Variants in MBNL1 observed in about 807,000 individuals in gnomAD.
MBNL1 encodes the protein muscleblind-like protein 1.
A neutral mutation model predicts 42.2 loss-of-function variants in MBNL1; 8 were observed. That is an observed-to-expected ratio of 0.19 (90% CI 0.11 to 0.34). The LOEUF is 0.34. Among genes scored for constraint, MBNL1 ranks in the 10% least tolerant of loss-of-function variants. The pLI is 1.00. For synonymous variants in MBNL1, 169 were observed against 173.9 expected (o/e 0.97, Z 0.22); for missense variants, 309 against 495.3 (o/e 0.62, Z 3.57).
chr3:152,265,742 A>C (rs1363000194), upstream of MBNL1: 12 of 152,188 alleles, frequency 7.9e-5, no homozygotes, highest in Non-Finnish European at 1.6e-4. Context: ...CTGAAAATGT[A>C]GTTTATTTCA....
intron 3 of MBNL1, among the ~76,000 whole-genome samples, chr3:152,418,714 C>CTTTTT (rs35606256): frequency 3.4e-5 from 4 of 118,696 alleles, no homozygotes; most frequent in Non-Finnish European, 5.1e-5. Flanking sequence ...TCTTAACAAT[C>CTTTTT]TTTTTTTTTT....
At chr3:152,426,639 T>C (rs1348015104) in intron 3 of MBNL1, among the ~76,000 whole-genome samples, 1 of 152,052 alleles carries the variant, frequency 6.6e-6, no homozygotes, top group Non-Finnish European at 1.5e-5. Flanking sequence ...TTGCATGATA[T>C]CTGGAGTTTC....
upstream of MBNL1, chr3:152,265,914 T>C (rs1256492903): frequency 6.6e-6 from 1 of 152,224 alleles, no homozygotes; most frequent in East Asian, 1.9e-4. Context: ...GTATTCTAAA[T>C]GAGGAACTAT....
chr3:152,263,885 G>A (rs1285111572), upstream of MBNL1: 2 of 151,708 alleles, frequency 1.3e-5, no homozygotes, highest in Non-Finnish European at 2.9e-5. Context: ...GCTCCTTGAG[G>A]TTAGGTAGTT....
chr3:152,274,291 T>A (rs2043610332), intron 1 of MBNL1, among the ~76,000 whole-genome samples: 1 of 152,178 alleles, frequency 6.6e-6, no homozygotes, highest in Non-Finnish European at 1.5e-5. Context: ...TCATATAAAG[T>A]TGATTTATAA....
At chr3:152,418,830 C>T (rs777084335) in intron 3 of MBNL1, among the ~76,000 whole-genome samples, 2 of 150,950 alleles carry the variant, frequency 1.3e-5, no homozygotes, top group Non-Finnish European at 2.9e-5. Flanking sequence ...CGTTCTCTTG[C>T]CTCAGCCTCC....
chr3:152,335,306 A>T, intron 2 of MBNL1: 1 of 1,252,324 alleles, frequency 8.0e-7, no homozygotes, highest in Admixed American at 2.3e-5. Flanking sequence ...AAGGCCTGAG[A>T]TGACATCCAT....
chr3:152,313,777 CTTAT>C (rs1426088399), intron 2 of MBNL1, among the ~76,000 whole-genome samples: 1 of 152,190 alleles, frequency 6.6e-6, no homozygotes, highest in Non-Finnish European at 1.5e-5. Flanking sequence ...CACATACTAG[CTTAT>C]TTATTTACCT....
chr3:152,335,918 C>A (rs1426141762), intron 2 of MBNL1, among the ~76,000 whole-genome samples: 1 of 152,118 alleles, frequency 6.6e-6, no homozygotes, highest in South Asian at 2.1e-4. Flanking sequence ...TTAACAGATT[C>A]ATTTGACCAA....
At chr3:152,378,711 T>C (rs1361501329) in intron 2 of MBNL1, among the ~76,000 whole-genome samples, 2 of 152,180 alleles carry the variant, frequency 1.3e-5, no homozygotes, top group Non-Finnish European at 2.9e-5. Context: ...TTTATCCTTA[T>C]GTTATTTATT....
intron 2 of MBNL1, among the ~76,000 whole-genome samples, chr3:152,389,024 A>G (rs932071587): frequency 2.0e-5 from 3 of 152,192 alleles, no homozygotes; most frequent in African/African-American, 7.2e-5. Context: ...TAAACAGTTG[A>G]CATGAAATAT....
intron 2 of MBNL1, among the ~76,000 whole-genome samples, chr3:152,363,609 C>G (rs535179828): frequency 6.6e-6 from 1 of 152,146 alleles, no homozygotes; most frequent in African/African-American, 2.4e-5. Flanking sequence ...TTACCAAATG[C>G]TGAGCGTATG....
At chr3:152,459,508 C>T (rs1740617201) in intron 9 of MBNL1, among the ~76,000 whole-genome samples, 163 bp downstream of exon 9, 1 of 151,996 alleles carries the variant, frequency 6.6e-6, no homozygotes, top group African/African-American at 2.4e-5. Flanking sequence ...ATCTTTATAA[C>T]AAATATGTTA....
rs138163188 is a variant in MBNL1, at chr3:152,319,719, A to G, written c.174+19352A>G. On this transcript the variant is annotated intron_variant, in intron 2 of 9. Coordinates refer to ENST00000324210, the MANE Select transcript of MBNL1 (RefSeq NM_021038.5). ...AAAATTTACTAATAAAATGACATGG[A>G]AGACAATTAAAATTATAATAAAATA... is the stretch of plus-strand genomic sequence containing the variant. Among the ~76,000 whole-genome samples, 952 of 147,998 alleles carry G rather than the reference A, an allele frequency of 6.4e-3. 8 individuals are homozygous for G. The highest frequency in any genetic ancestry group is 0.023 in the African/African-American group (909 of 40,200).
chr3:152,405,616 T>G (rs2098407973), intron 2 of MBNL1, among the ~76,000 whole-genome samples: 1 of 152,198 alleles, frequency 6.6e-6, no homozygotes, highest in Non-Finnish European at 1.5e-5. Flanking sequence ...TAAATAAGTC[T>G]TTCAAGAGAT....
intron 4 of MBNL1, among the ~76,000 whole-genome samples, chr3:152,437,149 A>C (rs999364728): frequency 6.6e-6 from 1 of 152,194 alleles, no homozygotes; most frequent in Non-Finnish European, 1.5e-5. Flanking sequence ...TGTATACTCT[A>C]CTTCTTCCTT....
chr3:152,358,488 T>C (rs1292267462), intron 2 of MBNL1, among the ~76,000 whole-genome samples: 1 of 152,172 alleles, frequency 6.6e-6, no homozygotes, highest in Admixed American at 6.5e-5. Context: ...AAAATATGTA[T>C]TTCATTTACT....
chr3:152,275,267 A>G (rs1459572581), intron 1 of MBNL1, among the ~76,000 whole-genome samples: 2 of 152,134 alleles, frequency 1.3e-5, no homozygotes, highest in African/African-American at 4.8e-5. Context: ...GAAAAGCTTT[A>G]TGTCACTGAC....
intron 8 of MBNL1, among the ~76,000 whole-genome samples, chr3:152,456,648 AT>A (rs1734366649): frequency 6.6e-6 from 1 of 152,190 alleles, no homozygotes; most frequent in Non-Finnish European, 1.5e-5. Flanking sequence ...GCAATTCTCA[AT>A]TGGTTTCAAC....
Sources: allele counts gnomAD v4.1 joint callset (sites outside exome capture counted in the v4.1 genomes callset), GRCh38; gene constraint gnomAD v4.1.1; transcripts MANE v1.5; gene names NCBI Gene and HGNC (gene_info 2026-07-23, HGNC 2026-07-21).